The following ADAMTS13 variants were observed in gnomAD, a reference collection of about 807,000 sequenced individuals.
ADAMTS13 encodes the protein ADAM metallopeptidase with thrombospondin type 1 motif 13.
A neutral mutation model predicts 155.1 loss-of-function variants in ADAMTS13; 110 were observed. That is an observed-to-expected ratio of 0.71 (90% CI 0.61 to 0.83). The LOEUF is 0.83. ADAMTS13 is among the 40% of genes least tolerant of loss of function. The pLI, the probability that ADAMTS13 is intolerant of heterozygous loss-of-function variation, is 0.00. For missense variants in ADAMTS13, 1,707 were observed against 1,891.7 expected, an observed-to-expected ratio of 0.90 and a Z score of 1.81; for synonymous variants, 758 against 756.4, an observed-to-expected ratio of 1.00 and a Z score of -0.03.
Position 133,459,329 on chromosome 9 carries a change from A to G in ADAMTS13, c.*149A>G. ...AAAGGCTAGGGGGTTGGAGGTGGGG[A>G]CTCTGGAAAAGCAGCCCCCATTTCC... On this transcript the variant is annotated 3_prime_UTR_variant, in exon 29 of 29. Transcript: ENST00000355699. The G allele has an allele frequency of 1.2e-6, 1 of 843,434 alleles. No homozygotes were observed. Among genetic ancestry groups the G allele is most frequent in the Middle Eastern group, 3.3e-4 (1 of 3,010 alleles). The allele number at this position is 843,434 out of a possible 1,614,324, so 52.2% of individuals were successfully genotyped here.
chr9:133,415,685 T>G (rs1349806588), intron 1 of ADAMTS13: 1 of 152,228 alleles, frequency 6.6e-6, no homozygotes, highest in Non-Finnish European at 1.5e-5. Flanking sequence ...GGTAAAGAAC[T>G]GAAGGGCTGA....
chr9:133,423,173 T>G lies in ADAMTS13; in HGVS notation c.172+6T>G. On this transcript the variant is annotated splice_donor_region_variant and intron_variant, in intron 2 of 28. Coordinates refer to ENST00000355699, the MANE Select transcript of ADAMTS13 (RefSeq NM_139027.6). The stretch of plus-strand genomic sequence containing the variant: ...CCCTGGTGCTCCCTTAAAAGGTACT[T>G]GTCCTGGTGTCTTCTCTCCCGGGGG... 1 of 1,613,700 alleles carries G rather than the reference T, an allele frequency of 6.2e-7. No homozygotes were observed. Among genetic ancestry groups the G allele is most frequent in the Non-Finnish European group, 8.5e-7 (1 of 1,179,692 alleles).
chr9:133,448,780 A>G (rs782433854), intron 22 of ADAMTS13, 52 bp downstream of exon 22: 70 of 1,582,148 alleles, frequency 4.4e-5, no homozygotes, highest in Non-Finnish European at 5.9e-5. Flanking sequence ...TAAGTGGGAG[A>G]CCCGAGCCTT....
At chr9:133,417,982 C>G, upstream of ADAMTS13, 3 of 747,950 alleles carry the variant, frequency 4.0e-6, no homozygotes, top group East Asian at 5.4e-5. Flanking sequence ...GGAAAAGACT[C>G]CGGAAGAGAC....
chr9:133,424,206 C>T lies in ADAMTS13; in HGVS notation c.173-115C>T, dbSNP rs1840126364. ...TGGCTCTTGGGGTGGGGGTGACACG[C>T]AATGTCTTGACTTCGGAAGGCCATC... On this transcript the variant is annotated intron_variant, in intron 2 of 28. Transcript: ENST00000355699. This position sits in a 1 kb window ranked among gnomAD's most constrained non-coding sequence, Gnocchi z 4.3. 2 of 1,520,120 alleles carry T rather than the reference C, an allele frequency of 1.3e-6. No homozygotes were observed. The highest frequency in any genetic ancestry group is 2.3e-5 in the East Asian group (1 of 44,422). The allele number at this position is 1,520,120 out of a possible 1,614,324, so 94.2% of individuals were successfully genotyped here. A position where few individuals can be genotyped will look rare whatever the true frequency, so the allele number is the denominator to read the frequency against.
intron 11 of ADAMTS13, among the ~76,000 whole-genome samples, chr9:133,436,382 T>C (rs997218893): frequency 2.9e-4 from 44 of 151,372 alleles, no homozygotes; most frequent in African/African-American, 1.1e-3. Context: ...TCAGTGTGGC[T>C]GTCCAGGGAG....
At chr9:133,453,230 A>C (rs1842544289) in intron 23 of ADAMTS13, among the ~76,000 whole-genome samples, 1 of 152,180 alleles carries the variant, frequency 6.6e-6, no homozygotes, top group African/African-American at 2.4e-5. Context: ...AGGTCAGGAG[A>C]TCGAGACCAT....
chr9:133,442,707 G>C lies in ADAMTS13; in HGVS notation c.2198G>C (p.Trp733Ser). Residue 733 changes from tryptophan to serine, a missense_variant, in exon 18 of 29, where the codon TGG (tryptophan) becomes TCG (serine). By Grantham distance (177) the Trp-to-Ser change is radical. This residue lies in a region of ADAMTS13 where 961 missense variants were observed against 1,107.9 expected (regional missense o/e 0.87). Coordinates refer to ENST00000355699, the MANE Select transcript of ADAMTS13 (RefSeq NM_139027.6). ...CAAGGGAGCCAGCAGCCACCAGCGTGGCCAGAGGCCTGCGTGCTCGAACCC... is the reference window on the plus strand; with the variant it reads ...CAAGGGAGCCAGCAGCCACCAGCGTCGCCAGAGGCCTGCGTGCTCGAACCC... Reference protein sequence around the residue: ...QCQGSQQPPAWPEACVLEPCP... With the variant: ...QCQGSQQPPASPEACVLEPCP... 1 of 1,613,080 alleles carries C rather than the reference G, an allele frequency of 6.2e-7. No individual in the cohort carries two copies. The highest frequency in any genetic ancestry group is 8.5e-7 in the Non-Finnish European group (1 of 1,180,002).
chr9:133,429,661 G>C (rs1292992825), intron 7 of ADAMTS13: 4 of 529,134 alleles, frequency 7.6e-6, no homozygotes, highest in Non-Finnish European at 1.4e-5. Context: ...CGACCGCACC[G>C]CTCCCGGGCC....
At chr9:133,414,971 A>T in intron 1 of ADAMTS13, 2 of 1,601,836 alleles carry the variant, frequency 1.2e-6, no homozygotes, top group Non-Finnish European at 8.5e-7. Context: ...AGAGATGACA[A>T]GAGGCTTTTC....
Position 133,440,582 on chromosome 9 carries a change from G to A in ADAMTS13, c.1968+57G>A. 5 of 1,498,520 alleles carry A rather than the reference G, an allele frequency of 3.3e-6. No homozygotes were observed. Among genetic ancestry groups the A allele is most frequent in the East Asian group, 2.4e-5 (1 of 41,004 alleles). The allele number at this position is 1,498,520 out of a possible 1,614,324, so 92.8% of individuals were successfully genotyped here. A position where few individuals can be genotyped will look rare whatever the true frequency, so the allele number is the denominator to read the frequency against. On this transcript the variant is annotated intron_variant, in intron 16 of 28. Transcript: ENST00000355699. The surrounding 1 kb of genome is among the most constrained non-coding windows in gnomAD (Gnocchi z 4.3). ...GGGCTTCTTCTTGGGGGCTATGGCT[G>A]CTTGCTCGTTTGTCTATCCATCCAT...
chr9:133,442,714 G>T lies in ADAMTS13; in HGVS notation c.2205G>T (p.Glu735Asp). 6.2e-7 allele frequency: 1 copy of T among 1,613,034 alleles called. No individual in the cohort carries two copies. The highest frequency in any genetic ancestry group is 8.5e-7 in the Non-Finnish European group (1 of 1,179,998). Reference protein sequence around the residue: ...QGSQQPPAWPEACVLEPCPPY... With the variant: ...QGSQQPPAWPDACVLEPCPPY... The stretch of plus-strand genomic sequence containing the variant: ...GCCAGCAGCCACCAGCGTGGCCAGA[G>T]GCCTGCGTGCTCGAACCCTGCCCTC... Residue 735 changes from glutamate (E) to aspartate (D), a missense_variant, in exon 18 of 29, where the codon GAG (glutamate) becomes GAT (aspartate). Physicochemically the swap from Glu to Asp is conservative, Grantham distance 45. This residue lies in a region of ADAMTS13 where 961 missense variants were observed against 1,107.9 expected (regional missense o/e 0.87). Coordinates refer to ENST00000355699, the MANE Select transcript of ADAMTS13 (RefSeq NM_139027.6).
intron 8 of ADAMTS13, among the ~76,000 whole-genome samples, chr9:133,431,278 A>G (rs1239166207): frequency 6.6e-6 from 1 of 151,590 alleles, no homozygotes; most frequent in Non-Finnish European, 1.5e-5. Flanking sequence ...CAGCAAATCT[A>G]TTAATATTAT....
intron 1 of ADAMTS13, 134 bp downstream of exon 1, chr9:133,422,682 C>T: frequency 1.2e-6 from 1 of 852,166 alleles, no homozygotes; most frequent in East Asian, 2.6e-5. Flanking sequence ...GGAGTCTGTA[C>T]TTGGGGCTTT....
chr9:133,441,387 G>C lies in ADAMTS13; in HGVS notation c.1968+862G>C, dbSNP rs1841662025. 6.6e-6 allele frequency among the ~76,000 whole-genome samples: 1 copy of C among 152,230 alleles called. No homozygotes were observed. Among genetic ancestry groups the C allele is most frequent in the South Asian group, 2.1e-4 (1 of 4,828 alleles). On this transcript the variant is annotated intron_variant, in intron 16 of 28. Transcript: ENST00000355699. This position sits in a 1 kb window ranked among gnomAD's most constrained non-coding sequence, Gnocchi z 5.0. ...CCCCTTGCCTGGGACATTGTATCCA[G>C]ATGCTAGCTGCCGAGTGGCTCTCCC...
At position 133,454,734 on chromosome 9, in the gene ADAMTS13, G is replaced by A. The variant is rs587767979; in HGVS notation, c.3249+115G>A. The A allele has an allele frequency of 6.7e-4, 889 of 1,327,846 alleles. 10 individuals carry two copies. In the African/African-American group the frequency reaches 0.012, roughly 18 times the overall value. 82.3% of individuals were successfully genotyped at this position (1,327,846 alleles called of 1,614,324 possible). ...GCTCATCGTGTCCCCTGAAAGGAAGGAGAGAGCTGCGCCCGTTGGTGAGGG... is the reference window on the plus strand; with the variant it reads ...GCTCATCGTGTCCCCTGAAAGGAAGAAGAGAGCTGCGCCCGTTGGTGAGGG... On this transcript the variant is annotated intron_variant, in intron 24 of 28. Transcript: ENST00000355699.
At chr9:133,455,478 G>A (rs1316315678) in intron 25 of ADAMTS13, 43 bp downstream of exon 25, 2 of 1,612,330 alleles carry the variant, frequency 1.2e-6, no homozygotes, top group African/African-American at 2.7e-5. Flanking sequence ...GCTGCTCCAG[G>A]ACGGACCACA....
In ADAMTS13 at chr9:133,456,871, T is replaced by C; in HGVS notation, c.3724+152T>C. 1 of 1,004,706 alleles carries C rather than the reference T, an allele frequency of 1.0e-6. No homozygotes were observed. Among genetic ancestry groups the C allele is most frequent in the African/African-American group, 1.6e-5 (1 of 62,836 alleles). 62.2% of individuals were successfully genotyped at this position (1,004,706 alleles called of 1,614,324 possible). A position where few individuals can be genotyped will look rare whatever the true frequency, so the allele number is the denominator to read the frequency against. Reference sequence around the variant, plus strand: ...TGGAAGGAACTGGGGTTGGCCAGTGTCAGTCTGCACGTGCCAGGGAGGGGT... The same window carrying C: ...TGGAAGGAACTGGGGTTGGCCAGTGCCAGTCTGCACGTGCCAGGGAGGGGT... On this transcript the variant is annotated intron_variant, in intron 27 of 28. Coordinates refer to ENST00000355699, the MANE Select transcript of ADAMTS13 (RefSeq NM_139027.6). This position sits in a 1 kb window ranked among gnomAD's most constrained non-coding sequence, Gnocchi z 4.4.
intron 8 of ADAMTS13, among the ~76,000 whole-genome samples, chr9:133,431,176 G>A (rs1554787345): frequency 1.3e-5 from 2 of 151,556 alleles, no homozygotes; most frequent in African/African-American, 4.9e-5. Flanking sequence ...TGTTACCCAG[G>A]CTTGTCTAGG....
Sources: gnomAD v4.1 joint callset for allele counts (sites outside exome capture counted in the v4.1 genomes callset) on GRCh38, gnomAD v4.1.1 for gene constraint, gnomAD v4.1.1 regional missense constraint, Gnocchi (gnomAD v3.1) non-coding constraint, MANE v1.5 for transcripts, NCBI Gene and HGNC (gene_info 2026-07-23, HGNC 2026-07-21) for gene names.